The following SYCP1 variants were observed in gnomAD, a reference collection of about 807,000 sequenced individuals.
SYCP1 encodes cancer/testis antigen 8.
A neutral mutation model predicts 153.1 loss-of-function variants in SYCP1; 64 were observed. The ratio of observed to expected loss-of-function variants is 0.42; its 90% CI spans 0.34 to 0.51. The LOEUF is 0.51. SYCP1 is among the 20% of genes least tolerant of loss of function. SYCP1 has a pLI of 0.06. For missense variants in SYCP1, 997 were observed against 1,049.0 expected (o/e 0.95, Z 0.68); for synonymous variants, 384 against 341.8 (o/e 1.12, Z -1.36).
Position 114,860,802 on chromosome 1 carries a change from A to C in SYCP1, c.591A>C (p.Thr197=), listed in dbSNP as rs574057871. The change falls in exon 8 of 32, where the codon ACA becomes ACC. Residue 197 remains threonine (T), a synonymous_variant. Coordinates refer to ENST00000369522, the MANE Select transcript of SYCP1 (RefSeq NM_003176.4). ...KETCARSAEK[T]KKYEYEREET... ...CCTGTGCTAGATCTGCAGAAAAGAC[A>C]AAGAAATGTAAATATCTTTCTTGTT... 5.1e-6 allele frequency: 8 copies of C among 1,582,800 alleles called. No homozygotes were observed. In the South Asian group the frequency reaches 8.1e-5, roughly 16 times the overall value.
chr1:114,949,256 T>C (rs1274269661), intron 27 of SYCP1, among the ~76,000 whole-genome samples: 1 of 152,204 alleles, frequency 6.6e-6, no homozygotes, highest in East Asian at 1.9e-4. Flanking sequence ...GAGATTTTAG[T>C]ATTAAAATGA....
Position 114,910,771 on chromosome 1 carries a change from T to G in SYCP1, c.1425+270T>G, listed in dbSNP as rs115895024. ...ATATTTCTTGATGTCTTGAGTATTT[T>G]TTCTTTTGAGACAGAGTCTTGCTAT... On this transcript the variant is annotated intron_variant, in intron 17 of 31. Transcript: ENST00000369522. 6.0e-3 allele frequency among the ~76,000 whole-genome samples: 908 copies of G among 152,246 alleles called. 10 individuals are homozygous for G. The highest frequency in any genetic ancestry group is 0.021 in the African/African-American group (887 of 41,562).
intron 23 of SYCP1, among the ~76,000 whole-genome samples, chr1:114,932,082 C>A (rs1429101790): frequency 6.6e-6 from 1 of 152,108 alleles, no homozygotes; most frequent in Non-Finnish European, 1.5e-5. Context: ...GGGTTATAGG[C>A]ATACAATCTT....
At chr1:114,959,810 AG>A (rs1211933830) in intron 27 of SYCP1, among the ~76,000 whole-genome samples, 2 of 151,898 alleles carry the variant, frequency 1.3e-5, no homozygotes, top group African/African-American at 4.8e-5. Flanking sequence ...TATAATTTTT[AG>A]TACCCACAGA....
intron 28 of SYCP1, among the ~76,000 whole-genome samples, chr1:114,980,639 C>T (rs143522261): frequency 1.6e-4 from 24 of 151,926 alleles, no homozygotes; most frequent in African/African-American, 5.8e-4. Flanking sequence ...AATAGATTTC[C>T]TTCTGACTTT....
chr1:114,909,306 C>T (rs1346323291), intron 16 of SYCP1, among the ~76,000 whole-genome samples: 3 of 151,946 alleles, frequency 2.0e-5, no homozygotes, highest in Non-Finnish European at 4.4e-5. Context: ...GCTGCCTATA[C>T]CACACTGCTT....
At chr1:114,890,401 G>A (rs1666623560) in intron 15 of SYCP1, among the ~76,000 whole-genome samples, 1 of 151,074 alleles carries the variant, frequency 6.6e-6, no homozygotes, top group African/African-American at 2.4e-5. Context: ...ATTTATAACT[G>A]ATTATACATT....
intron 8 of SYCP1, among the ~76,000 whole-genome samples, chr1:114,871,081 T>C (rs1200379598): frequency 6.6e-6 from 1 of 152,202 alleles, no homozygotes; most frequent in East Asian, 1.9e-4. Flanking sequence ...AATATATATT[T>C]ACAGTAATCC....
chr1:114,981,512 G>T lies in SYCP1; in HGVS notation c.2559G>T (p.Lys853Asn). ...AKNTLSTPLP[K>N]AYTVKTPTKP... is the part of the protein sequence containing the mutation. ...ATACTTTATCTACACCATTGCCAAA[G>T]GTTTGTGTCTAAATTTTCCATGTTA... Residue 853 changes from lysine to asparagine, a missense_variant and splice_region_variant, in exon 29 of 32, where the codon AAG becomes AAT. By Grantham distance (94) the Lys-to-Asn change is moderately conservative. This residue lies in a region of SYCP1 where 712 missense variants were observed against 682.9 expected (regional missense o/e 1.04). Transcript: ENST00000369522. The T allele has an allele frequency of 6.3e-7, 1 of 1,576,190 alleles. No homozygotes were observed. The highest frequency in any genetic ancestry group is 8.6e-7 in the Non-Finnish European group (1 of 1,169,018).
chr1:114,935,905 A>G (rs1421911593), intron 23 of SYCP1, among the ~76,000 whole-genome samples: 1 of 152,220 alleles, frequency 6.6e-6, no homozygotes, highest in Non-Finnish European at 1.5e-5. Flanking sequence ...TTGAGGCAAT[A>G]ATTAGTAGCC....
At chr1:114,910,552 G>T (rs1668110858) in intron 17 of SYCP1, 51 bp downstream of exon 17, 1 of 1,143,966 alleles carries the variant, frequency 8.7e-7, no homozygotes, top group African/African-American at 1.6e-5. Context: ...ATAGAACATA[G>T]ATTTATGGAT....
intron 27 of SYCP1, among the ~76,000 whole-genome samples, chr1:114,954,762 C>G (rs568783714): frequency 3.6e-4 from 55 of 151,928 alleles, no homozygotes; most frequent in Non-Finnish European, 6.5e-4. Context: ...TGTCTTTGTA[C>G]TAGAGACGGA....
chr1:114,901,235 C>T (rs1393309157), intron 16 of SYCP1, among the ~76,000 whole-genome samples: 1 of 151,670 alleles, frequency 6.6e-6, no homozygotes, highest in Admixed American at 6.6e-5. Flanking sequence ...AAGGCAAAAT[C>T]GAGAAAAATA....
chr1:114,992,729 A>C (rs1360641251), intron 30 of SYCP1, among the ~76,000 whole-genome samples: 1 of 151,644 alleles, frequency 6.6e-6, no homozygotes, highest in African/African-American at 2.4e-5. Flanking sequence ...ATTTGGCAGC[A>C]ACTTTTATGG....
chr1:114,857,156 A>AAAAAAAAAG (rs774041717), intron 3 of SYCP1, 76 bp from the exon 4 acceptor site: 28 of 921,380 alleles, frequency 3.0e-5, no homozygotes, highest in South Asian at 5.7e-5. Flanking sequence ...AAAAAAAAAA[A>AAAAAAAAAG]AGAGAAAAAA....
At chr1:114,921,688 C>T (rs2101719512) in intron 20 of SYCP1, among the ~76,000 whole-genome samples, 1 of 151,708 alleles carries the variant, frequency 6.6e-6, no homozygotes, top group East Asian at 1.9e-4. Flanking sequence ...AGTTACATTC[C>T]ACAATTACAG....
chr1:114,919,464 CT>C (rs1284293921), intron 20 of SYCP1, among the ~76,000 whole-genome samples: 6 of 151,692 alleles, frequency 4.0e-5, no homozygotes, highest in Admixed American at 6.6e-5. Flanking sequence ...CTTTAGTTTC[CT>C]TTTTTTATGT....
At chr1:114,926,667 A>C (rs1669275000) in intron 23 of SYCP1, 104 bp downstream of exon 23, 1 of 960,602 alleles carries the variant, frequency 1.0e-6, no homozygotes, top group African/African-American at 1.7e-5. Flanking sequence ...TTTATACCAT[A>C]ACAGTATCAA....
intron 16 of SYCP1, among the ~76,000 whole-genome samples, chr1:114,901,818 GA>G (rs1315337051): frequency 2.0e-5 from 3 of 152,068 alleles, no homozygotes; most frequent in African/African-American, 7.2e-5. Context: ...CTTCCAAAAA[GA>G]AAAAAACCTG....
Sources: allele counts gnomAD v4.1 joint callset (sites outside exome capture counted in the v4.1 genomes callset), GRCh38; gene constraint gnomAD v4.1.1; regional missense constraint gnomAD v4.1.1; transcripts MANE v1.5; gene names NCBI Gene and HGNC (gene_info 2026-07-23, HGNC 2026-07-21).